Variants in MCTP2 observed in about 807,000 individuals in gnomAD.
MCTP2 encodes multiple C2 and transmembrane domain containing 2.
In MCTP2, 132 loss-of-function variants were observed where a neutral mutation model predicts 111.6. The observed-to-expected ratio is 1.18, with a 90% confidence interval of 1.03 to 1.37. The LOEUF is 1.37. Among genes scored for constraint, MCTP2 ranks in the 40% most tolerant of loss-of-function variants. The probability of loss-of-function intolerance (pLI) is 0.00; values close to 1 mark genes in which losing one functional copy is unlikely to be tolerated. For missense variants in MCTP2, 1,183 were observed against 1,067.9 expected, an observed-to-expected ratio of 1.11 and a Z score of -1.50; for synonymous variants, 395 against 387.7, an observed-to-expected ratio of 1.02 and a Z score of -0.22.
At chr15:94,368,547 T>C (rs1296061556) in intron 11 of MCTP2, among the ~76,000 whole-genome samples, 1 of 152,232 alleles carries the variant, frequency 6.6e-6, no homozygotes, top group Non-Finnish European at 1.5e-5. Context: ...ATTCTCAGCA[T>C]AAACTTTAGT....
chr15:94,387,135 TCCTTCCCC>T (rs986404519), intron 14 of MCTP2, among the ~76,000 whole-genome samples: 7 of 150,592 alleles, frequency 4.6e-5, no homozygotes, highest in East Asian at 1.9e-4. Context: ...TCCTCCTTCC[TCCTTCCCC>T]CCTTCCTCCT....
chr15:94,244,711 C>G lies in MCTP2; in HGVS notation c.-66+13047C>G, dbSNP rs570383010. ...ACGTATATGTATACACATACATATGCACCTATGTTTATATTCGTATATGTA... is the reference window on the plus strand; with the variant it reads ...ACGTATATGTATACACATACATATGGACCTATGTTTATATTCGTATATGTA... On this transcript the variant is annotated intron_variant, in intron 1 of 22. Coordinates refer to ENST00000357742, the MANE Select transcript of MCTP2 (RefSeq NM_001385001.1). Among the ~76,000 whole-genome samples, 224 of 147,506 alleles carry G rather than the reference C, an allele frequency of 1.5e-3. 2 individuals are homozygous for G. The highest frequency in any genetic ancestry group is 2.7e-3 in the Non-Finnish European group (182 of 66,330).
intron 1 of MCTP2, among the ~76,000 whole-genome samples, chr15:94,250,582 A>G (rs1483646034): frequency 6.6e-6 from 1 of 152,234 alleles, no homozygotes; most frequent in Non-Finnish European, 1.5e-5. Flanking sequence ...AAATGAATTT[A>G]TACCTTACTA....
intron 1 of MCTP2, among the ~76,000 whole-genome samples, chr15:94,232,626 T>G (rs1034707611): frequency 6.6e-6 from 1 of 152,180 alleles, no homozygotes; most frequent in Non-Finnish European, 1.5e-5. Flanking sequence ...GCTGGTGTGC[T>G]GTTGGGTAGC....
intron 17 of MCTP2, among the ~76,000 whole-genome samples, chr15:94,433,197 G>GA (rs2083284764): frequency 6.6e-6 from 1 of 152,074 alleles, no homozygotes; most frequent in Non-Finnish European, 1.5e-5. Flanking sequence ...TTTTCCTCAG[G>GA]AAAAAATTAA....
At chr15:94,388,807 TAGTA>T (rs1342498881) in intron 14 of MCTP2, among the ~76,000 whole-genome samples, 6 of 152,192 alleles carry the variant, frequency 3.9e-5, no homozygotes, top group Non-Finnish European at 8.8e-5. Flanking sequence ...ATCCTGTAGC[TAGTA>T]AGTAATAGAG....
At chr15:94,361,084 G>GGTTT (rs2078909180) in intron 10 of MCTP2, among the ~76,000 whole-genome samples, 1 of 8,416 alleles carries the variant, frequency 1.2e-4, no homozygotes, top group East Asian at 4.2e-3. Flanking sequence ...AATATTTCAA[G>GGTTT]TTTTTTTTTT....
At position 94,474,145 on chromosome 15, in the gene MCTP2, T is replaced by TCC. The variant is rs567802024; in HGVS notation, c.2471-2549_2471-2548dup. ...AAGTAATTTTACAACAGATATACCC[T>TCC]CCCTCTGTACTATTTAGGTTAAAAA... On this transcript the variant is annotated intron_variant, in intron 21 of 22. Coordinates refer to ENST00000357742, the MANE Select transcript of MCTP2 (RefSeq NM_001385001.1). 1.0e-3 allele frequency among the ~76,000 whole-genome samples: 153 copies of TCC among 152,284 alleles called. 1 individual carries two copies. The highest frequency in any genetic ancestry group is 3.6e-3 in the African/African-American group (149 of 41,542).
chr15:94,237,579 A>G (rs963533611), intron 1 of MCTP2, among the ~76,000 whole-genome samples: 3 of 152,174 alleles, frequency 2.0e-5, no homozygotes, highest in East Asian at 3.8e-4. Flanking sequence ...ACTCTGGCAT[A>G]ACATTACCTG....
chr15:94,236,368 CTTTTTTTTCTTTTTTTTT>C (rs1425571950), intron 1 of MCTP2, among the ~76,000 whole-genome samples: 1 of 67,186 alleles, frequency 1.5e-5, no homozygotes, highest in East Asian at 4.4e-4. Flanking sequence ...TCAATCCTTT[CTTTTTTTTCTTTTTTTTT>C]TTTTTTTTTT....
intron 1 of MCTP2, among the ~76,000 whole-genome samples, chr15:94,269,140 C>G (rs934458670): frequency 6.6e-6 from 1 of 151,940 alleles, no homozygotes; most frequent in African/African-American, 2.4e-5. Context: ...TATAAAGGGC[C>G]CATTGAAGTA....
intron 11 of MCTP2, among the ~76,000 whole-genome samples, chr15:94,368,615 C>T (rs896528029): frequency 1.3e-5 from 2 of 152,120 alleles, no homozygotes; most frequent in African/African-American, 4.8e-5. Context: ...TCTGTATCTT[C>T]GGGAGTACAA....
intron 3 of MCTP2, among the ~76,000 whole-genome samples, chr15:94,315,088 G>T (rs1238572990): frequency 6.6e-6 from 1 of 152,160 alleles, no homozygotes; most frequent in Non-Finnish European, 1.5e-5. Flanking sequence ...GGGGGTTGGT[G>T]GGAAGGGTGG....
rs1288144602 is a variant in MCTP2, at chr15:94,459,152, TAG to T, written c.2360+908_2360+909del. The stretch of plus-strand genomic sequence containing the variant: ...TATTAACTTATTTCCCCCTTTAATC[TAG>T]AATTGTGTCAACCGTGTTCTTTCTA... On this transcript the variant is annotated intron_variant, in intron 20 of 22. Transcript: ENST00000357742. Among the ~76,000 whole-genome samples the T allele has an allele frequency of 2.9e-3, 436 of 152,346 alleles. 1 individual carries two copies. Among genetic ancestry groups the T allele is most frequent in the African/African-American group, 9.6e-3 (400 of 41,588 alleles).
intron 17 of MCTP2, among the ~76,000 whole-genome samples, chr15:94,426,479 T>G (rs1306367723): frequency 6.6e-6 from 1 of 152,160 alleles, no homozygotes; most frequent in Non-Finnish European, 1.5e-5. Context: ...TTCTCTCTTT[T>G]GCTTGATCTG....
At chr15:94,292,301 G>T (rs2075068996) in intron 1 of MCTP2, among the ~76,000 whole-genome samples, 1 of 152,076 alleles carries the variant, frequency 6.6e-6, no homozygotes, top group African/African-American at 2.4e-5. Flanking sequence ...TGAAGTCTTA[G>T]TCCAATAAGG....
At chr15:94,250,440 G>A (rs1259786177) in intron 1 of MCTP2, among the ~76,000 whole-genome samples, 1 of 152,236 alleles carries the variant, frequency 6.6e-6, no homozygotes, top group East Asian at 1.9e-4. Context: ...GATTACTATA[G>A]AAGCCTATGA....
At chr15:94,438,604 T>C (rs2083605015) in intron 17 of MCTP2, among the ~76,000 whole-genome samples, 1 of 152,188 alleles carries the variant, frequency 6.6e-6, no homozygotes, top group South Asian at 2.1e-4. Flanking sequence ...ACCATCCTTA[T>C]CTCAGAAGAT....
intron 1 of MCTP2, among the ~76,000 whole-genome samples, chr15:94,259,400 C>G (rs975065751): frequency 5.3e-5 from 8 of 152,192 alleles, no homozygotes; most frequent in African/African-American, 1.7e-4. Flanking sequence ...CAGCTGTTAA[C>G]TGCTAGTTCA....
Sources: allele counts gnomAD v4.1 joint callset (sites outside exome capture counted in the v4.1 genomes callset), GRCh38; gene constraint gnomAD v4.1.1; transcripts MANE v1.5; gene names NCBI Gene and HGNC (gene_info 2026-07-23, HGNC 2026-07-21).